Variants in HERC2 observed in about 807,000 individuals in gnomAD.
HERC2 encodes the protein E3 ubiquitin-protein ligase HERC2.
In HERC2, 102 loss-of-function variants were observed where a neutral mutation model predicts 537.7. The ratio of observed to expected loss-of-function variants is 0.19; its 90% CI spans 0.16 to 0.22. HERC2 has a LOEUF of 0.22. Among genes scored for constraint, HERC2 ranks in the 10% least tolerant of loss-of-function variants. HERC2 has a pLI of 1.00. For synonymous variants in HERC2, 2,224 were observed against 2,466.2 expected (o/e 0.90, Z 2.91); for missense variants, 4,236 against 6,198.2 (o/e 0.68, Z 10.63).
intron 65 of HERC2, among the ~76,000 whole-genome samples, chr15:28,171,162 A>C (rs1348807646): frequency 6.6e-6 from 1 of 152,224 alleles, no homozygotes; most frequent in Non-Finnish European, 1.5e-5. Flanking sequence ...ACGTAAAGTA[A>C]ATTTTCACAT....
chr15:28,288,269 C>T (rs2076213925), intron 4 of HERC2, among the ~76,000 whole-genome samples: 1 of 151,914 alleles, frequency 6.6e-6, no homozygotes, highest in Non-Finnish European at 1.5e-5. Flanking sequence ...TTCTGGCCAG[C>T]CATGGTGGCT....
chr15:28,130,535 A>G lies in HERC2; in HGVS notation c.12630T>C (p.Val4210=), dbSNP rs746253690. The G allele has an allele frequency of 6.2e-7, 1 of 1,614,154 alleles. No individual in the cohort carries two copies. The highest frequency in any genetic ancestry group is 2.2e-5 in the East Asian group (1 of 44,874). ...AAACAGCTCCAGATTTGGTAAGGGCAACAGAAAACTGGGATCCGCATTCCA... is the reference window on the plus strand; with the variant it reads ...AAACAGCTCCAGATTTGGTAAGGGCGACAGAAAACTGGGATCCGCATTCCA... The part of the protein sequence containing the change: ...VKVECGSQFS[V]ALTKSGAVYT... Residue 4210 remains valine, a synonymous_variant, in exon 82 of 93, where the codon GTT becomes GTC. Transcript: ENST00000261609.
At chr15:28,139,789 G>A (rs1040646936) in intron 78 of HERC2, among the ~76,000 whole-genome samples, 3 of 152,088 alleles carry the variant, frequency 2.0e-5, no homozygotes, top group South Asian at 2.1e-4. Flanking sequence ...GGCCGGGCAC[G>A]GTAGCTCATG....
intron 79 of HERC2, among the ~76,000 whole-genome samples, chr15:28,133,741 G>A (rs952020891): frequency 6.6e-6 from 1 of 152,192 alleles, no homozygotes; most frequent in Admixed American, 6.5e-5. Context: ...CGTATAAACT[G>A]TGCACTAGAA....
At chr15:28,222,705 A>G (rs938778296) in intron 35 of HERC2, among the ~76,000 whole-genome samples, 1 of 152,006 alleles carries the variant, frequency 6.6e-6, no homozygotes, top group African/African-American at 2.4e-5. Flanking sequence ...GGGCTCTCCC[A>G]TTCCCTAGGT....
chr15:28,244,031 C>T (rs749316544), intron 23 of HERC2, among the ~76,000 whole-genome samples: 20 of 152,186 alleles, frequency 1.3e-4, no homozygotes, highest in Non-Finnish European at 2.1e-4. Flanking sequence ...TAAAAATTAG[C>T]CAGGCATGGT....
At chr15:28,196,187 A>G (rs1398594456) in intron 52 of HERC2, 28 bp downstream of exon 52, 2 of 1,261,084 alleles carry the variant, frequency 1.6e-6, no homozygotes. Flanking sequence ...TATTTGGTGG[A>G]AGAGAGAATA....
chr15:28,289,467 G>A (rs1281893769), intron 4 of HERC2, among the ~76,000 whole-genome samples: 11 of 152,302 alleles, frequency 7.2e-5, no homozygotes, highest in Middle Eastern at 3.4e-3. Context: ...TAATTAGCAT[G>A]AGAGATTTCA....
Position 28,113,008 on chromosome 15 carries a change from G to GAGCC in HERC2, c.14232+59_14232+62dup. On this transcript the variant is annotated intron_variant, in intron 92 of 92. Transcript: ENST00000261609. The surrounding 1 kb of genome is among the most constrained non-coding windows in gnomAD (Gnocchi z 7.0). ...CATGTGCTGCAGGACTGTGGGTGAG[G>GAGCC]AGCCAGCCACCCACCGTCGGCCGAC... 3 of 1,351,202 alleles carry GAGCC rather than the reference G, an allele frequency of 2.2e-6. No homozygotes were observed. The highest frequency in any genetic ancestry group is 4.8e-5 in the East Asian group (2 of 41,626). The allele number at this position is 1,351,202 out of a possible 1,614,324, so 83.7% of individuals were successfully genotyped here. A position where few individuals can be genotyped will look rare whatever the true frequency, so the allele number is the denominator to read the frequency against.
At chr15:28,301,801 CTTTT>C (rs11307271) in intron 2 of HERC2, among the ~76,000 whole-genome samples, 69 of 48,330 alleles carry the variant, frequency 1.4e-3, no homozygotes, top group African/African-American at 4.3e-3. Context: ...TTCTATCTAA[CTTTT>C]TTTTTTTTTT....
rs1438915407 is a variant in HERC2 at position 28,168,441 on chromosome 15, C to G, written c.10379G>C (p.Arg3460Thr). Reference sequence around the variant, plus strand: ...TTCTTGCCATGGATTTGGACTCAGTCTGTCTTCGATATCAACAGCCAGCAT... The same window carrying G: ...TTCTTGCCATGGATTTGGACTCAGTGTGTCTTCGATATCAACAGCCAGCAT... ...ECMLAVDIED[R>T]LSPNPWQEKR... Residue 3460 changes from arginine to threonine, a missense_variant, in exon 67 of 93, where the codon AGA (arginine) becomes ACA (threonine). Transcript: ENST00000261609. 4 of 1,614,000 alleles carry G rather than the reference C, an allele frequency of 2.5e-6. No individual in the cohort carries two copies. The highest frequency in any genetic ancestry group is 1.7e-5 in the Admixed American group (1 of 59,984).
intron 9 of HERC2, 148 bp from the exon 10 acceptor site, chr15:28,271,016 ATATATTTATGCAG>A: frequency 7.3e-6 from 5 of 680,744 alleles, no homozygotes; most frequent in Middle Eastern, 8.3e-4. Flanking sequence ...CTATACATCT[ATATATTTATGCAG>A]CATATAAACT....
chr15:28,132,829 G>A lies in HERC2; in HGVS notation c.12232C>T (p.Pro4078Ser). 1 of 1,534,602 alleles carries A rather than the reference G, an allele frequency of 6.5e-7. No individual in the cohort carries two copies. The highest frequency in any genetic ancestry group is 8.8e-7 in the Non-Finnish European group (1 of 1,138,732). The part of the protein sequence containing the change: ...DGKLGHGNRS[P>S]CDRPRVIESL... ...TCGATGACACGAGGGCGGTCACACGGACTGCAAAAAAGTCACCAAATATAA... is the reference window on the plus strand; with the variant it reads ...TCGATGACACGAGGGCGGTCACACGAACTGCAAAAAAGTCACCAAATATAA... Residue 4078 changes from proline to serine, a missense_variant and splice_region_variant, in exon 80 of 93, where the codon CCG becomes TCG. Pro to Ser is a moderately conservative substitution (Grantham distance 74). This residue lies in a region of HERC2 where 94 missense variants were observed against 137.4 expected (regional missense o/e 0.68). Coordinates refer to ENST00000261609, the MANE Select transcript of HERC2 (RefSeq NM_004667.6).
At chr15:28,112,700 C>T (rs925223931) in intron 92 of HERC2, among the ~76,000 whole-genome samples, 10 of 152,118 alleles carry the variant, frequency 6.6e-5, no homozygotes, top group African/African-American at 2.2e-4. Flanking sequence ...CAAAGCAAAA[C>T]CCTTGTTCTC....
intron 69 of HERC2, among the ~76,000 whole-genome samples, chr15:28,161,452 C>T (rs1893582780): frequency 6.6e-6 from 1 of 152,192 alleles, no homozygotes; most frequent in African/African-American, 2.4e-5. Flanking sequence ...CTCAGGCTCC[C>T]TGGCAGGGCA....
chr15:28,315,437 G>C (rs558120710), intron 2 of HERC2, among the ~76,000 whole-genome samples: 1 of 152,344 alleles, frequency 6.6e-6, no homozygotes, highest in Non-Finnish European at 1.5e-5. Flanking sequence ...AGGAATCTAT[G>C]GGGTCGGACA....
At chr15:28,186,489 C>T (rs1896321071) in intron 56 of HERC2, 88 bp downstream of exon 56, 4 of 1,035,018 alleles carry the variant, frequency 3.9e-6, no homozygotes, top group Non-Finnish European at 5.7e-6. Context: ...CAGTATGAGA[C>T]ACATTCTAAT....
At chr15:28,207,751 C>A (rs1219369356) in intron 44 of HERC2, among the ~76,000 whole-genome samples, 1 of 152,020 alleles carries the variant, frequency 6.6e-6, no homozygotes, top group African/African-American at 2.4e-5. Context: ...ACAATTTCAA[C>A]TAACTAGACC....
chr15:28,156,683 C>T (rs944819735), intron 69 of HERC2, among the ~76,000 whole-genome samples: 5 of 152,194 alleles, frequency 3.3e-5, no homozygotes, highest in African/African-American at 1.2e-4. Flanking sequence ...GATATACAAT[C>T]ATGTCATCTG....
Sources: gnomAD v4.1 joint callset for allele counts (sites outside exome capture counted in the v4.1 genomes callset) on GRCh38, gnomAD v4.1.1 for gene constraint, gnomAD v4.1.1 regional missense constraint, Gnocchi (gnomAD v3.1) non-coding constraint, MANE v1.5 for transcripts, NCBI Gene and HGNC (gene_info 2026-07-23, HGNC 2026-07-21) for gene names.